Variants in HELQ observed in about 807,000 individuals in gnomAD.
HELQ encodes helicase POLQ-like.
A neutral mutation model predicts 111.6 loss-of-function variants in HELQ; 77 were observed. That is an observed-to-expected ratio of 0.69 (90% CI 0.57 to 0.83). The LOEUF is 0.83. Among genes scored for constraint, HELQ ranks in the 40% least tolerant of loss-of-function variants. HELQ has a pLI of 0.00. For synonymous variants in HELQ, 438 were observed against 454.7 expected (o/e 0.96, Z 0.47); for missense variants, 1,200 against 1,288.5 (o/e 0.93, Z 1.05).
Position 83,443,516 on chromosome 4 carries a change from C to G in HELQ, c.1563+1G>C. The G allele has an allele frequency of 7.0e-7, 1 of 1,433,094 alleles. No homozygotes were observed. The highest frequency in any genetic ancestry group is 9.7e-7 in the Non-Finnish European group (1 of 1,025,768). 88.8% of individuals were successfully genotyped at this position (1,433,094 alleles called of 1,614,324 possible). On this transcript the variant is annotated splice_donor_variant, in intron 6 of 17. Transcript: ENST00000295488. LOFTEE classifies it high-confidence loss of function. ...ATACAGTGCAAACCTTAGGTACATA[C>G]TGGTCTAAATTGACTGGTATAATAT...
chr4:83,432,270 G>A lies in HELQ; in HGVS notation c.2049-3C>T. The stretch of plus-strand genomic sequence containing the variant: ...CATAGGGAGCTCTTAAAATAACTCT[G>A]TGGAATTAATGAAAAATGATACTCT... On this transcript the variant is annotated splice_polypyrimidine_tract_variant and splice_region_variant and intron_variant, in intron 9 of 17. Transcript: ENST00000295488. 6.5e-7 allele frequency: 1 copy of A among 1,533,006 alleles called. No homozygotes were observed. The allele number at this position is 1,533,006 out of a possible 1,614,324, so 95.0% of individuals were successfully genotyped here.
chr4:83,453,911 T>C lies in HELQ; in HGVS notation c.332A>G (p.Tyr111Cys), dbSNP rs184028967. The C allele has an allele frequency of 9.0e-5, 145 of 1,613,232 alleles. No individual in the cohort carries two copies. In the Admixed American group the frequency reaches 2.4e-3, roughly 27 times the overall value. The part of the protein sequence containing the change: ...NDSEVDMFGD[Y>C]DSFTENSFIA... ...AAAGGAGTTTTCAGTAAAGCTATCATAGTCACCAAACATGTCCACTTCACT... is the reference window on the plus strand; with the variant it reads ...AAAGGAGTTTTCAGTAAAGCTATCACAGTCACCAAACATGTCCACTTCACT... Residue 111 changes from tyrosine to cysteine, a missense_variant, in exon 2 of 18, where the codon TAT becomes TGT. Around this residue, in one of 3 missense-constraint regions of HELQ, gnomAD observed 610 missense variants for 607.1 expected, o/e 1.00. Coordinates refer to ENST00000295488, the MANE Select transcript of HELQ (RefSeq NM_133636.5).
intron 17 of HELQ, 76 bp from the exon 18 acceptor site, chr4:83,407,636 T>C: frequency 1.2e-6 from 1 of 823,854 alleles, no homozygotes; most frequent in Non-Finnish European, 2.1e-6. Context: ...CACTGTCCAT[T>C]GAACACCTGA....
In HELQ at chr4:83,448,959, A is replaced by G. The variant is rs1310829480; in HGVS notation, c.1015T>C (p.Trp339Arg). The part of the protein sequence containing the change: ...QFKGIEKLYE[W>R]QHTCLTLNSV... ...TTCAATGTTAAACAAGTATGTTGCC[A>G]TTCTGTGGAATTAAAAAAAAAAAGG... Residue 339 changes from tryptophan (W) to arginine (R), a missense_variant and splice_region_variant, in exon 3 of 18, where the codon TGG (tryptophan) becomes CGG (arginine). Physicochemically the swap from Trp to Arg is moderately radical, Grantham distance 101. This residue lies in a region of HELQ where 610 missense variants were observed against 607.1 expected (regional missense o/e 1.00). Transcript: ENST00000295488. 6.5e-7 allele frequency: 1 copy of G among 1,526,784 alleles called. No homozygotes were observed. Among genetic ancestry groups the G allele is most frequent in the East Asian group, 2.3e-5 (1 of 42,998 alleles). The allele number at this position is 1,526,784 out of a possible 1,614,324, so 94.6% of individuals were successfully genotyped here. A position where few individuals can be genotyped will look rare whatever the true frequency, so the allele number is the denominator to read the frequency against.
At chr4:83,445,413 T>C (rs1247536368) in intron 5 of HELQ, among the ~76,000 whole-genome samples, 3 of 152,184 alleles carry the variant, frequency 2.0e-5, no homozygotes, top group Non-Finnish European at 2.9e-5. Context: ...CTTTTTAAGA[T>C]TTGACCTTTA....
At position 83,409,054 on chromosome 4, in the gene HELQ, T is replaced by C. The variant is rs142658974; in HGVS notation, c.3199-1494A>G. Among the ~76,000 whole-genome samples the C allele has an allele frequency of 1.1e-3, 173 of 152,132 alleles. 1 individual carries two copies. In the East Asian group the frequency reaches 0.025, roughly 22 times the overall value. On this transcript the variant is annotated intron_variant, in intron 17 of 17. Coordinates refer to ENST00000295488, the MANE Select transcript of HELQ (RefSeq NM_133636.5). Reference sequence around the variant, plus strand: ...AAAAAGGACAAAATTTACAATCTTGTAGGGCAAAAGGAAATTAAACAAACA... The same window carrying C: ...AAAAAGGACAAAATTTACAATCTTGCAGGGCAAAAGGAAATTAAACAAACA...
intron 14 of HELQ, among the ~76,000 whole-genome samples, chr4:83,423,419 T>A (rs979172925): frequency 2.0e-5 from 3 of 152,220 alleles, no homozygotes; most frequent in African/African-American, 7.2e-5. Context: ...ATCACTTTTT[T>A]AAAAGCATTA....
chr4:83,435,532 CT>C (rs763325617), intron 9 of HELQ, among the ~76,000 whole-genome samples: 1 of 151,090 alleles, frequency 6.6e-6, no homozygotes, highest in Non-Finnish European at 1.5e-5. Flanking sequence ...GTTTTACCCC[CT>C]AAAGCGGTAT....
In HELQ at chr4:83,426,154, A is replaced by G; in HGVS notation, c.2677-62T>C. 6.0e-6 allele frequency: 5 copies of G among 833,946 alleles called. No homozygotes were observed. In the South Asian group the frequency reaches 7.5e-5, roughly 13 times the overall value. 51.7% of individuals were successfully genotyped at this position (833,946 alleles called of 1,614,324 possible). On this transcript the variant is annotated intron_variant, in intron 13 of 17. Transcript: ENST00000295488. ...AAAATCTGTCATGTGAACCAAATCC[A>G]GTATTTCTTTTGATATCACATTCTC...
Position 83,448,971 on chromosome 4 carries a change from TA to T in HELQ, c.1013-11del, listed in dbSNP as rs10718573. On this transcript the variant is annotated splice_polypyrimidine_tract_variant and intron_variant, in intron 2 of 17. Coordinates refer to ENST00000295488, the MANE Select transcript of HELQ (RefSeq NM_133636.5). The stretch of plus-strand genomic sequence containing the variant: ...CAAGTATGTTGCCATTCTGTGGAAT[TA>T]AAAAAAAAAAGGCATTATTTTCCCC... 0.54 allele frequency: 691,955 copies of T among 1,286,368 alleles called. 141,978 individuals are homozygous for T. Among genetic ancestry groups the T allele is most frequent in the African/African-American group, 0.76 (50,032 of 66,038 alleles). 79.7% of individuals were successfully genotyped at this position (1,286,368 alleles called of 1,614,324 possible). A position where few individuals can be genotyped will look rare whatever the true frequency, so the allele number is the denominator to read the frequency against.
rs1720886242 is a variant in HELQ at position 83,443,545 on chromosome 4, G to C, written c.1535C>G (p.Ala512Gly). The C allele has an allele frequency of 6.3e-7, 1 of 1,577,788 alleles. No individual in the cohort carries two copies. Among genetic ancestry groups the C allele is most frequent in the Non-Finnish European group, 8.7e-7 (1 of 1,149,476 alleles). The change falls in exon 6 of 18, where the codon GCA becomes GGA. Residue 512 changes from alanine to glycine, a missense_variant. By Grantham distance (60) the Ala-to-Gly change is moderately conservative. Around this residue, in one of 3 missense-constraint regions of HELQ, gnomAD observed 5 missense variants for 16.1 expected, o/e 0.31. Transcript: ENST00000295488. Reference sequence around the variant, plus strand: ...TCTAAATTGACTGGTATAATATTCTGCTTGAAGAAACTTTTGTAGGTCTTC... The same window carrying C: ...TCTAAATTGACTGGTATAATATTCTCCTTGAAGAAACTTTTGTAGGTCTTC... ...NVEDLQKFLQ[A>G]EYYTSQFRPV... is the part of the protein sequence containing the mutation.
intron 14 of HELQ, among the ~76,000 whole-genome samples, chr4:83,424,192 C>T (rs1046139430): frequency 5.9e-5 from 9 of 152,062 alleles, no homozygotes; most frequent in Non-Finnish European, 1.3e-4. Flanking sequence ...ATTCTGGATT[C>T]AAGCTTAAAA....
chr4:83,444,941 C>T (rs1720972076), intron 5 of HELQ, among the ~76,000 whole-genome samples: 1 of 152,150 alleles, frequency 6.6e-6, no homozygotes, highest in Non-Finnish European at 1.5e-5. Context: ...GGATGAAGGG[C>T]AGTGGGTACA....
intron 16 of HELQ, among the ~76,000 whole-genome samples, 164 bp from the exon 17 acceptor site, chr4:83,417,029 C>T (rs1418431986): frequency 6.6e-6 from 1 of 152,066 alleles, no homozygotes; most frequent in African/African-American, 2.4e-5. Context: ...TTTAAAAATG[C>T]ATTTGGGTGG....
At position 83,432,155 on chromosome 4, in the gene HELQ, G is replaced by T; in HGVS notation, c.2161C>A (p.Leu721Ile). 6.3e-7 allele frequency: 1 copy of T among 1,588,034 alleles called. No individual in the cohort carries two copies. Among genetic ancestry groups the T allele is most frequent in the East Asian group, 2.3e-5 (1 of 43,220 alleles). Reference sequence around the variant, plus strand: ...TGTTTGTCTTTTTCTTGCAATATGAGGATACTCTCCCCAATAGTATCTATT... The same window carrying T: ...TGTTTGTCTTTTTCTTGCAATATGATGATACTCTCCCCAATAGTATCTATT... Reference protein sequence around the residue: ...AGIDTIGESILILQEKDKQQV... With the variant: ...AGIDTIGESIIILQEKDKQQV... Residue 721 changes from leucine (L) to isoleucine (I), a missense_variant, in exon 10 of 18, where the codon CTC (leucine) becomes ATC (isoleucine). Around this residue, in one of 3 missense-constraint regions of HELQ, gnomAD observed 585 missense variants for 665.3 expected, o/e 0.88. Coordinates refer to ENST00000295488, the MANE Select transcript of HELQ (RefSeq NM_133636.5).
At chr4:83,451,675 AAAAAACAAAAAC>A (rs563677908) in intron 2 of HELQ, among the ~76,000 whole-genome samples, 5 of 151,774 alleles carry the variant, frequency 3.3e-5, no homozygotes, top group Non-Finnish European at 5.9e-5. Context: ...AAAAAAAACA[AAAAAACAAAAAC>A]AAAAACAAAA....
At position 83,432,254 on chromosome 4, in the gene HELQ, C is replaced by A. The variant is rs758456480; in HGVS notation, c.2062G>T (p.Ala688Ser). ...AAAAATTCCTTAGCAACATAGGGAG[C>A]TCTTAAAATAACTCTGTGGAATTAA... The part of the protein sequence containing the change: ...NLPARRVILR[A>S]PYVAKEFLKR... The change falls in exon 10 of 18, where the codon GCT becomes TCT. Residue 688 changes from alanine (A) to serine (S), a missense_variant. This residue lies in a region of HELQ where 585 missense variants were observed against 665.3 expected (regional missense o/e 0.88). Transcript: ENST00000295488. The A allele has an allele frequency of 1.3e-6, 2 of 1,569,202 alleles. No individual in the cohort carries two copies.
chr4:83,446,183 T>C, intron 4 of HELQ, 97 bp from the exon 5 acceptor site: 3 of 828,938 alleles, frequency 3.6e-6, no homozygotes, highest in Non-Finnish European at 6.1e-6. Context: ...TTGTAAAGAG[T>C]TGCTTATAAC....
intron 5 of HELQ, among the ~76,000 whole-genome samples, chr4:83,445,191 C>T (rs762014446): frequency 6.6e-5 from 10 of 152,116 alleles, no homozygotes; most frequent in African/African-American, 1.7e-4. Context: ...TCAGACTAAG[C>T]CTTAGTTAGG....
Sources: gnomAD v4.1 joint callset for allele counts (sites outside exome capture counted in the v4.1 genomes callset) on GRCh38, gnomAD v4.1.1 for gene constraint, gnomAD v4.1.1 regional missense constraint, MANE v1.5 for transcripts, NCBI Gene and HGNC (gene_info 2026-07-23, HGNC 2026-07-21) for gene names.